LCT: variants seen among roughly 807,000 people sequenced by gnomAD.
The protein encoded by LCT is lactase.
LCT carries 90 observed loss-of-function variants against 173.0 expected under a neutral mutation model. That is an observed-to-expected ratio of 0.52 (90% CI 0.44 to 0.62). The LOEUF is 0.62. Ranked by LOEUF, LCT falls within the 20% of genes least tolerant of loss-of-function variation. LCT has a pLI of 0.00. For missense variants in LCT, 1,864 were observed against 2,431.4 expected, an observed-to-expected ratio of 0.77 and a Z score of 4.91; for synonymous variants, 853 against 957.6, an observed-to-expected ratio of 0.89 and a Z score of 2.02.
At position 135,800,881 on chromosome 2, in the gene LCT, T is replaced by G. The variant is rs969887721; in HGVS notation, c.4664-72A>C. ...GTGACTGAGATTGTTAGTCCCTGCC[T>G]GCAGATGTCCCCTCTGTGTTTGGGA... On this transcript the variant is annotated intron_variant, in intron 11 of 16. Coordinates refer to ENST00000264162, the MANE Select transcript of LCT (RefSeq NM_002299.4). 4.4e-5 allele frequency: 52 copies of G among 1,192,356 alleles called. No homozygotes were observed. In the Admixed American group the frequency reaches 8.5e-4, roughly 19 times the overall value. The allele number at this position is 1,192,356 out of a possible 1,614,324, so 73.9% of individuals were successfully genotyped here.
At chr2:135,816,509 C>T (rs1009586754) in intron 6 of LCT, among the ~76,000 whole-genome samples, 11 of 152,168 alleles carry the variant, frequency 7.2e-5, no homozygotes, top group African/African-American at 1.7e-4. Flanking sequence ...ATAAAGCCAA[C>T]GAGGGGAACA....
intron 1 of LCT, among the ~76,000 whole-genome samples, chr2:135,836,095 T>A (rs1292145433): frequency 2.0e-5 from 3 of 150,122 alleles, no homozygotes. Context: ...TTCGGCTCAC[T>A]GCAACATCTG....
At chr2:135,824,148 A>C (rs1389563238) in intron 3 of LCT, 145 bp from the exon 4 acceptor site, 1 of 694,612 alleles carries the variant, frequency 1.4e-6, no homozygotes, top group Non-Finnish European at 2.6e-6. Context: ...TAAAGGAGTC[A>C]ACTCTAGACT....
chr2:135,836,589 G>A lies in LCT; in HGVS notation c.581C>T (p.Thr194Ile), dbSNP rs1039586203. 5 of 1,613,954 alleles carry A rather than the reference G, an allele frequency of 3.1e-6. No individual in the cohort carries two copies. The highest frequency in any genetic ancestry group is 4.2e-6 in the Non-Finnish European group (5 of 1,179,836). Residue 194 changes from threonine (T) to isoleucine (I), a missense_variant, in exon 1 of 17, where the codon ACC becomes ATC. Physicochemically the swap from Thr to Ile is moderately conservative, Grantham distance 89 (BLOSUM62 -1). Transcript: ENST00000264162. ...GGCTTTTCTGTGGGCATCACTGAGG[G>A]TCTGGAGTTGTGACGCTCTTGATTC... is the stretch of plus-strand genomic sequence containing the variant. Reference protein sequence around the residue: ...HQESRASQLQTLSDAHRKAYE... With the variant: ...HQESRASQLQILSDAHRKAYE...
In LCT at chr2:135,788,106, A is replaced by G. The variant is rs2077505960; in HGVS notation, c.*218T>C. 1.9e-5 allele frequency: 11 copies of G among 584,912 alleles called. No individual in the cohort carries two copies. Among genetic ancestry groups the G allele is most frequent in the Non-Finnish European group, 2.7e-5 (9 of 327,608 alleles). 36.2% of individuals were successfully genotyped at this position (584,912 alleles called of 1,614,324 possible). A position where few individuals can be genotyped will look rare whatever the true frequency, so the allele number is the denominator to read the frequency against. On this transcript the variant is annotated 3_prime_UTR_variant, in exon 17 of 17. Transcript: ENST00000264162. ...TTCCGCAAGAGCTACTTGCTTCTCA[A>G]ATGCCCAAATGAACTCTGATACTGG...
intron 13 of LCT, among the ~76,000 whole-genome samples, chr2:135,797,722 C>T (rs1435880612): frequency 6.6e-6 from 1 of 152,200 alleles, no homozygotes; most frequent in African/African-American, 2.4e-5. Context: ...CTGCCACCCA[C>T]ATTCACACGT....
intron 5 of LCT, chr2:135,821,707 C>A (rs559873468): frequency 6.2e-5 from 24 of 384,248 alleles, no homozygotes; most frequent in Non-Finnish European, 1.2e-4. Context: ...CCAGCCCAGT[C>A]TTGAACTCCT....
intron 8 of LCT, among the ~76,000 whole-genome samples, chr2:135,808,148 C>G (rs995276401): frequency 1.3e-5 from 2 of 152,158 alleles, no homozygotes; most frequent in Non-Finnish European, 2.9e-5. Context: ...GTATTCCCAG[C>G]ACCTAAAATA....
Position 135,808,984 on chromosome 2 carries a change from C to G in LCT, c.3363G>C (p.Ser1121=). The part of the protein sequence containing the change: ...KYRQEQKGVI[S]LSLSTHWAEP... ...CTGCCCAGTGTGTACTGAGGCTCAGCGAGATGACCCCCTTCTGCTCCTGCC... is the reference window on the plus strand; with the variant it reads ...CTGCCCAGTGTGTACTGAGGCTCAGGGAGATGACCCCCTTCTGCTCCTGCC... Residue 1121 remains serine (S), a synonymous_variant, in exon 8 of 17, where the codon TCG becomes TCC. Coordinates refer to ENST00000264162, the MANE Select transcript of LCT (RefSeq NM_002299.4). The G allele has an allele frequency of 6.2e-7, 1 of 1,611,326 alleles. No homozygotes were observed. Among genetic ancestry groups the G allele is most frequent in the Non-Finnish European group, 8.5e-7 (1 of 1,178,072 alleles).
At position 135,790,361 on chromosome 2, in the gene LCT, CCA is replaced by C. The variant is rs1491338926; in HGVS notation, c.5335+295_5335+296del. Among the ~76,000 whole-genome samples the C allele has an allele frequency of 3.6e-4, 55 of 152,178 alleles. No homozygotes were observed. Among genetic ancestry groups the C allele is most frequent in the Non-Finnish European group, 6.5e-4 (44 of 68,030 alleles). Reference sequence around the variant, plus strand: ...CTACTCCTCCTGGGCCCTACCCAGACCATTCTCAGGAGGGCACTGCTGTTCCG... The same window carrying C: ...CTACTCCTCCTGGGCCCTACCCAGACTTCTCAGGAGGGCACTGCTGTTCCG... On this transcript the variant is annotated intron_variant, in intron 15 of 16. Coordinates refer to ENST00000264162, the MANE Select transcript of LCT (RefSeq NM_002299.4). The surrounding 1 kb of genome is among the most constrained non-coding windows in gnomAD (Gnocchi z 4.1).
At chr2:135,797,922 T>C (rs1355889096) in intron 13 of LCT, 107 bp downstream of exon 13, 1 of 762,596 alleles carries the variant, frequency 1.3e-6, no homozygotes. Flanking sequence ...TATGATCACA[T>C]GTAACTTCCC....
At chr2:135,825,124 T>C (rs730005) in intron 3 of LCT, among the ~76,000 whole-genome samples, 28,913 of 152,242 alleles carry the variant, frequency 0.19, 3,070 homozygotes, top group Middle Eastern at 0.4. Context: ...GACATGCTGT[T>C]TGACTTCACT....
chr2:135,824,872 G>A (rs968262234), intron 3 of LCT, among the ~76,000 whole-genome samples: 1 of 151,718 alleles, frequency 6.6e-6, no homozygotes, highest in Non-Finnish European at 1.5e-5. Context: ...GCTTGGTGGT[G>A]CACGCCTGTA....
intron 15 of LCT, 32 bp from the exon 16 acceptor site, chr2:135,789,830 T>A: frequency 6.4e-7 from 1 of 1,574,532 alleles, no homozygotes; most frequent in Non-Finnish European, 8.7e-7. Flanking sequence ...GGCATAAGTT[T>A]CCTATCTCAT....
At chr2:135,807,638 C>T (rs2077688504) in intron 8 of LCT, among the ~76,000 whole-genome samples, 1 of 152,066 alleles carries the variant, frequency 6.6e-6, no homozygotes, top group Non-Finnish European at 1.5e-5. Context: ...AAACATGCCC[C>T]AAATTCAAGA....
intron 13 of LCT, among the ~76,000 whole-genome samples, chr2:135,795,394 A>T (rs1279841804): frequency 2.6e-5 from 4 of 151,972 alleles, no homozygotes; most frequent in African/African-American, 9.7e-5. Flanking sequence ...TTTTTGGTAG[A>T]GATGGGGTTT....
At chr2:135,810,081 A>C (rs1434388032) in intron 7 of LCT, 88 bp from the exon 8 acceptor site, 1 of 925,336 alleles carries the variant, frequency 1.1e-6, no homozygotes, top group East Asian at 2.6e-5. Flanking sequence ...GGCTGGTCTC[A>C]AACTCCTGGA....
At chr2:135,836,001 TATATATATATATATGTATACATA>T (rs1679346214) in intron 1 of LCT, among the ~76,000 whole-genome samples, 2 of 26,068 alleles carry the variant, frequency 7.7e-5, no homozygotes, top group Non-Finnish European at 4.8e-4. Context: ...TATATATATA[TATATATATATATATGTATACATA>T]TTTTTTTTTT....
rs1679419072 is a variant in LCT, at chr2:135,836,999, C to T, written c.171G>A (p.Gly57=). The T allele has an allele frequency of 6.2e-7, 1 of 1,613,780 alleles. No homozygotes were observed. Among genetic ancestry groups the T allele is most frequent in the African/African-American group, 1.3e-5 (1 of 74,854 alleles). The change falls in exon 1 of 17, where the codon GGG becomes GGA. Residue 57 remains glycine, a synonymous_variant. Transcript: ENST00000264162. ...GGTGACAAACATACATGTCTTTGTC[C>T]CCTGCTACAAAGTTAGAACTCTGGT... is the stretch of plus-strand genomic sequence containing the variant. ...LGDQSSNFVA[G]DKDMYVCHQP...
Sources: gnomAD v4.1 joint callset for allele counts (sites outside exome capture counted in the v4.1 genomes callset) on GRCh38, gnomAD v4.1.1 for gene constraint, Gnocchi (gnomAD v3.1) non-coding constraint, MANE v1.5 for transcripts, NCBI Gene and HGNC (gene_info 2026-07-23, HGNC 2026-07-21) for gene names.